The following PLXDC2 variants were observed in gnomAD, a reference collection of about 807,000 sequenced individuals.
PLXDC2 encodes the protein plexin domain-containing protein 2.
PLXDC2 carries 40 observed loss-of-function variants against 68.9 expected under a neutral mutation model. The observed-to-expected ratio is 0.58, with a 90% CI of 0.45 to 0.76. PLXDC2 has a LOEUF of 0.76. Ranked by LOEUF, PLXDC2 falls within the 30% of genes least tolerant of loss-of-function variation. PLXDC2 has a pLI of 0.00. For synonymous variants in PLXDC2, 243 were observed against 234.2 expected, an observed-to-expected ratio of 1.04 and a Z score of -0.34; for missense variants, 644 against 661.9, an observed-to-expected ratio of 0.97 and a Z score of 0.30.
chr10:19,860,742 A>G (rs1220766366), intron 1 of PLXDC2, among the ~76,000 whole-genome samples: 2 of 152,182 alleles, frequency 1.3e-5, no homozygotes, highest in Non-Finnish European at 1.5e-5. Flanking sequence ...GGATCTTTCC[A>G]TCTGTACAAC....
intron 4 of PLXDC2, among the ~76,000 whole-genome samples, chr10:20,117,971 A>G (rs1419925821): frequency 4.6e-5 from 7 of 152,148 alleles, no homozygotes; most frequent in Admixed American, 1.3e-4. Context: ...GATACTCGAT[A>G]TGTGTTTTGT....
At chr10:19,902,409 AAG>A (rs1838175415) in intron 1 of PLXDC2, among the ~76,000 whole-genome samples, 1 of 152,020 alleles carries the variant, frequency 6.6e-6, no homozygotes, top group Non-Finnish European at 1.5e-5. Flanking sequence ...GTACATTCCT[AAG>A]TATTTTATTT....
chr10:19,916,126 G>GTTTTTTTTTTTTTTTT (rs200823056), intron 1 of PLXDC2, among the ~76,000 whole-genome samples: 3 of 125,708 alleles, frequency 2.4e-5, no homozygotes, highest in Non-Finnish European at 4.9e-5. Context: ...AGGGAGTTGT[G>GTTTTTTTTTTTTTTTT]TTTTGTTTTG....
At chr10:20,243,704 G>GA (rs1316420439) in intron 12 of PLXDC2, among the ~76,000 whole-genome samples, 2 of 114,338 alleles carry the variant, frequency 1.7e-5, no homozygotes, top group Non-Finnish European at 4.5e-5. Context: ...AAGTTTAATA[G>GA]ACAAAAAAAG....
chr10:20,116,408 T>C (rs1031599754), intron 4 of PLXDC2, among the ~76,000 whole-genome samples: 3 of 151,988 alleles, frequency 2.0e-5, no homozygotes, highest in Admixed American at 2.0e-4. Context: ...ATTGCCTGCC[T>C]TTTTTTTCCA....
chr10:20,180,369 A>G (rs377203734), intron 9 of PLXDC2, among the ~76,000 whole-genome samples: 16 of 152,216 alleles, frequency 1.1e-4, no homozygotes, highest in South Asian at 6.2e-4. Flanking sequence ...AATCGGTTTA[A>G]CTATGCCTCA....
intron 9 of PLXDC2, among the ~76,000 whole-genome samples, chr10:20,208,801 T>G (rs553819117): frequency 1.2e-4 from 19 of 152,066 alleles, no homozygotes; most frequent in Non-Finnish European, 2.6e-4. Flanking sequence ...TGTTGGCCGG[T>G]CTGAGAAATA....
chr10:20,092,870 C>G (rs1589625574), intron 4 of PLXDC2, among the ~76,000 whole-genome samples: 1 of 151,974 alleles, frequency 6.6e-6, no homozygotes, highest in East Asian at 1.9e-4. Flanking sequence ...GGCCACAAGT[C>G]AAGGGATGCC....
chr10:19,873,205 A>G (rs2131344432), intron 1 of PLXDC2, among the ~76,000 whole-genome samples: 1 of 152,270 alleles, frequency 6.6e-6, no homozygotes, highest in African/African-American at 2.4e-5. Context: ...GAGATGCCTT[A>G]GAAATGATAA....
chr10:20,123,356 G>T (rs1175093704), intron 4 of PLXDC2, among the ~76,000 whole-genome samples: 2 of 152,148 alleles, frequency 1.3e-5, no homozygotes, highest in African/African-American at 4.8e-5. Context: ...TGGGAACAGA[G>T]ACTAGAGAGG....
chr10:19,915,847 T>C (rs755916362), intron 1 of PLXDC2, among the ~76,000 whole-genome samples: 7 of 146,570 alleles, frequency 4.8e-5, no homozygotes, highest in Non-Finnish European at 7.5e-5. Context: ...AATTTATTCA[T>C]GTTAAACCAA....
chr10:20,159,174 C>G (rs920089144), intron 6 of PLXDC2, among the ~76,000 whole-genome samples: 1 of 152,130 alleles, frequency 6.6e-6, no homozygotes, highest in Non-Finnish European at 1.5e-5. Context: ...TGTTTCAGGA[C>G]TGGTCTTGAG....
chr10:20,098,922 T>A (rs1342057219), intron 4 of PLXDC2, among the ~76,000 whole-genome samples: 1 of 152,130 alleles, frequency 6.6e-6, no homozygotes, highest in Non-Finnish European at 1.5e-5. Context: ...ACATCATCCT[T>A]GTTACCAAGG....
Position 20,252,763 on chromosome 10 carries a change from G to A in PLXDC2, c.1473+7258G>A, listed in dbSNP as rs538393570. Among the ~76,000 whole-genome samples the A allele has an allele frequency of 2.6e-5, 4 of 152,312 alleles. No homozygotes were observed. In the East Asian group the frequency reaches 5.8e-4, roughly 22 times the overall value. On this transcript the variant is annotated intron_variant, in intron 13 of 13. Transcript: ENST00000377252. ...CAGGGAGCTTACATTCCAGTGGGTG[G>A]AGACAGATGATAAACACATTCTAAG...
chr10:20,207,390 T>C lies in PLXDC2; in HGVS notation c.1062-4279T>C, dbSNP rs11011871. On this transcript the variant is annotated intron_variant, in intron 9 of 13. Transcript: ENST00000377252. ...TTCCAAGGTAAAATTTCAGTTGATA[T>C]GCAAATTTAAGATTTGGCACCGTCT... is the stretch of plus-strand genomic sequence containing the variant. Among the ~76,000 whole-genome samples, 148 of 152,308 alleles carry C rather than the reference T, an allele frequency of 9.7e-4. 1 individual carries two copies. The East Asian group carries it at 0.024, about 25-fold the overall frequency.
intron 4 of PLXDC2, among the ~76,000 whole-genome samples, chr10:20,136,240 C>G (rs1001010006): frequency 6.6e-6 from 1 of 152,158 alleles, no homozygotes; most frequent in Non-Finnish European, 1.5e-5. Context: ...TATGTAAAAC[C>G]TGTCATTGTG....
Position 19,816,838 on chromosome 10 carries a change from G to A in PLXDC2, c.-242G>A. Reference sequence around the variant, plus strand: ...CGGTTGTTGTTCAGTGTCGGGTGAGGGCTGCGAGTGTGGCAAGTTGCAAAG... The same window carrying A: ...CGGTTGTTGTTCAGTGTCGGGTGAGAGCTGCGAGTGTGGCAAGTTGCAAAG... On this transcript the variant is annotated 5_prime_UTR_variant, in exon 1 of 14. Coordinates refer to ENST00000377252, the MANE Select transcript of PLXDC2 (RefSeq NM_032812.9). 1 of 571,314 alleles carries A rather than the reference G, an allele frequency of 1.8e-6. No individual in the cohort carries two copies. Among genetic ancestry groups the A allele is most frequent in the South Asian group, 2.1e-5 (1 of 46,646 alleles). The allele number at this position is 571,314 out of a possible 1,614,324, so 35.4% of individuals were successfully genotyped here.
intron 4 of PLXDC2, among the ~76,000 whole-genome samples, chr10:20,082,074 A>AAAAAAAAAG (rs1836576445): frequency 6.7e-6 from 1 of 149,676 alleles, no homozygotes; most frequent in African/African-American, 2.4e-5. Flanking sequence ...CAAAAAAAAA[A>AAAAAAAAAG]AACAGGAGAA....
Position 20,245,393 on chromosome 10 carries a change from C to T in PLXDC2, c.1361C>T (p.Ala454Val). 1.2e-6 allele frequency: 2 copies of T among 1,614,092 alleles called. No individual in the cohort carries two copies. Among genetic ancestry groups the T allele is most frequent in the Non-Finnish European group, 1.7e-6 (2 of 1,179,980 alleles). Residue 454 changes from alanine (A) to valine (V), a missense_variant, in exon 13 of 14, where the codon GCT (alanine) becomes GTT (valine). Ala to Val is a moderately conservative substitution (Grantham distance 64, BLOSUM62 0). Around this residue, in one of 3 missense-constraint regions of PLXDC2, gnomAD observed 330 missense variants for 327.9 expected, o/e 1.01. Coordinates refer to ENST00000377252, the MANE Select transcript of PLXDC2 (RefSeq NM_032812.9). ...GAGAAGAAAGGGGGAACCCTCCACG[C>T]TGGCCTCATCATTGGAATCCTCATC... is the stretch of plus-strand genomic sequence containing the variant. ...AAEKKGGTLHAGLIIGILILV... is the reference protein window; with the variant it reads ...AAEKKGGTLHVGLIIGILILV...
Sources: gnomAD v4.1 joint callset for allele counts (sites outside exome capture counted in the v4.1 genomes callset) on GRCh38, gnomAD v4.1.1 for gene constraint, gnomAD v4.1.1 regional missense constraint, MANE v1.5 for transcripts, NCBI Gene and HGNC (gene_info 2026-07-23, HGNC 2026-07-21) for gene names.